The following EML2 variants were observed in gnomAD, a reference collection of about 807,000 sequenced individuals.
The protein encoded by EML2 is EMAP like 2, also known as echinoderm microtubule-associated protein-like 2.
In EML2, 59 loss-of-function variants were observed where a neutral mutation model predicts 84.7. That is an observed-to-expected ratio of 0.70 (90% confidence interval 0.56 to 0.86). The LOEUF (loss-of-function observed/expected upper bound fraction) is 0.86, where lower values mean the gene tolerates loss of function less well. Among genes scored for constraint, EML2 ranks in the 40% least tolerant of loss-of-function variants. The pLI, the probability that EML2 is intolerant of heterozygous loss-of-function variation, is 0.00. For synonymous variants in EML2, 352 were observed against 348.9 expected (o/e 1.01, Z -0.10); for missense variants, 818 against 855.6 (o/e 0.96, Z 0.55).
chr19:45,623,700 G>A (rs1359726695), intron 9 of EML2, among the ~76,000 whole-genome samples: 4 of 151,886 alleles, frequency 2.6e-5, no homozygotes, highest in Non-Finnish European at 5.9e-5. Flanking sequence ...ACAGGTGCTC[G>A]CCACCATGCC....
At chr19:45,615,351 A>T (rs893461001) in intron 16 of EML2, among the ~76,000 whole-genome samples, 5 of 149,762 alleles carry the variant, frequency 3.3e-5, no homozygotes, top group African/African-American at 1.2e-4. Flanking sequence ...CAAAAAAAAA[A>T]AAATACAAAT....
rs753050205 is a variant in EML2 at position 45,616,565 on chromosome 19, G to A, written c.1412-7C>T. On this transcript the variant is annotated splice_polypyrimidine_tract_variant and splice_region_variant and intron_variant, in intron 14 of 18. Coordinates refer to ENST00000245925, the MANE Select transcript of EML2 (RefSeq NM_012155.4). ...ACGGCCAGGTACGCCCCGTCTGGGG[G>A]AGGGGGAGGGGGGCTATGAGGAGGC... The A allele has an allele frequency of 6.2e-7, 1 of 1,603,886 alleles. No homozygotes were observed. The highest frequency in any genetic ancestry group is 1.3e-5 in the African/African-American group (1 of 74,752).
At chr19:45,617,587 A>G (rs774928571) in intron 13 of EML2, 43 bp downstream of exon 13, 1 of 1,564,822 alleles carries the variant, frequency 6.4e-7, no homozygotes, top group East Asian at 2.3e-5. Flanking sequence ...CCAGTTCCCC[A>G]GGGAGCAGAG....
chr19:45,623,059 AAG>A (rs1311805525), intron 9 of EML2, among the ~76,000 whole-genome samples: 4 of 147,650 alleles, frequency 2.7e-5, no homozygotes, highest in Non-Finnish European at 3.0e-5. Flanking sequence ...AAAAAAAAAA[AAG>A]AGAGAGAGCG....
At chr19:45,618,889 G>C (rs1239317286) in intron 12 of EML2, 171 bp downstream of exon 12, 5 of 618,918 alleles carry the variant, frequency 8.1e-6, no homozygotes, top group Admixed American at 7.1e-5. Context: ...GGAGGTTGCA[G>C]TGAGCCGAGA....
intron 4 of EML2, 23 bp from the exon 5 acceptor site, chr19:45,633,162 G>T (rs1027867613): frequency 1.9e-6 from 3 of 1,603,816 alleles, no homozygotes; most frequent in Non-Finnish European, 2.6e-6. Flanking sequence ...GGGACAGAGA[G>T]ACCAGGGCTC....
chr19:45,615,751 G>T lies in EML2; in HGVS notation c.1597+51C>A, dbSNP rs371156936. On this transcript the variant is annotated intron_variant, in intron 16 of 18. Coordinates refer to ENST00000245925, the MANE Select transcript of EML2 (RefSeq NM_012155.4). ...CCCTCCCCTCCCAGAACTCAGGGAA[G>T]TCTGCAAATGAGACGGAGGAAGTAA... 68 of 1,480,222 alleles carry T rather than the reference G, an allele frequency of 4.6e-5. No homozygotes were observed. In the African/African-American group the frequency reaches 9.1e-4, roughly 20 times the overall value. The allele number at this position is 1,480,222 out of a possible 1,614,324, so 91.7% of individuals were successfully genotyped here.
upstream of EML2, chr19:45,643,701 C>T: frequency 1.3e-6 from 2 of 1,534,992 alleles, no homozygotes; most frequent in Non-Finnish European, 8.7e-7. Context: ...CCACAGGCCG[C>T]GCAGCTGGCC....
At position 45,621,195 on chromosome 19, in the gene EML2, A is replaced by G. The variant is rs1351180290; in HGVS notation, c.1122+12T>C. The G allele has an allele frequency of 1.2e-6, 2 of 1,612,740 alleles. No individual in the cohort carries two copies. Among genetic ancestry groups the G allele is most frequent in the South Asian group, 2.2e-5 (2 of 91,054 alleles). The stretch of plus-strand genomic sequence containing the variant: ...TGGGAAGAGGGGAGGGGTGCAGAGG[A>G]GAGAGGCGCACCTGGACCAGCAGTG... On this transcript the variant is annotated intron_variant, in intron 11 of 18. Transcript: ENST00000245925.
Position 45,638,641 on chromosome 19 carries a change from G to C in EML2, c.50-7C>G, listed in dbSNP as rs1974064615. On this transcript the variant is annotated splice_region_variant and splice_polypyrimidine_tract_variant and intron_variant, in intron 2 of 18. Transcript: ENST00000245925. ...ATTTTCACGGAGCCATCCTCTGCCAGGACACCCCCAGAGGTCAGGCACTGA... is the reference window on the plus strand; with the variant it reads ...ATTTTCACGGAGCCATCCTCTGCCACGACACCCCCAGAGGTCAGGCACTGA... The C allele has an allele frequency of 1.2e-6, 2 of 1,613,334 alleles. No individual in the cohort carries two copies. The highest frequency in any genetic ancestry group is 1.7e-6 in the Non-Finnish European group (2 of 1,179,798).
In EML2 at chr19:45,614,667, G is replaced by C. The variant is rs762778606; in HGVS notation, c.1631C>G (p.Ala544Gly). 12 of 1,613,868 alleles carry C rather than the reference G, an allele frequency of 7.4e-6. No individual in the cohort carries two copies. The highest frequency in any genetic ancestry group is 1.3e-5 in the African/African-American group (1 of 74,910). The stretch of plus-strand genomic sequence containing the variant: ...CCATTCCATGTTCCTCACAGCATCC[G>C]CACTGGTGATCTGCTTACAGGTAGC... ...DPATCKQITS[A>G]DAVRNMEWAT... Residue 544 changes from alanine to glycine, a missense_variant, in exon 17 of 19, where the codon GCG becomes GGG. Ala to Gly is a moderately conservative substitution (Grantham distance 60). Coordinates refer to ENST00000245925, the MANE Select transcript of EML2 (RefSeq NM_012155.4).
chr19:45,621,595 C>T lies in EML2; in HGVS notation c.884G>A (p.Gly295Asp), dbSNP rs896789358. 5 of 1,610,870 alleles carry T rather than the reference C, an allele frequency of 3.1e-6. No homozygotes were observed. Among genetic ancestry groups the T allele is most frequent in the Non-Finnish European group, 4.2e-6 (5 of 1,179,768 alleles). ...ITQAVLGAHDGGVFGLCALRD... is the reference protein window; with the variant it reads ...ITQAVLGAHDDGVFGLCALRD... ...CAGGGCGCAGAGCCCAAACACGCCGCCGTCGTGGGCGCCCAGCACCGCCTG... is the reference window on the plus strand; with the variant it reads ...CAGGGCGCAGAGCCCAAACACGCCGTCGTCGTGGGCGCCCAGCACCGCCTG... Residue 295 changes from glycine (G) to aspartate (D), a missense_variant, in exon 10 of 19, where the codon GGC becomes GAC. Physicochemically the swap from Gly to Asp is moderately conservative, Grantham distance 94 (BLOSUM62 -1). Transcript: ENST00000245925.
chr19:45,641,480 G>T (rs1004047022), upstream of EML2: 1 of 668,268 alleles, frequency 1.5e-6, no homozygotes, highest in Non-Finnish European at 2.5e-6. Flanking sequence ...CTGTTACCGT[G>T]CCACCTCAAG....
chr19:45,617,877 A>C (rs1190112004), intron 12 of EML2, among the ~76,000 whole-genome samples, 180 bp from the exon 13 acceptor site: 1 of 152,004 alleles, frequency 6.6e-6, no homozygotes, highest in Non-Finnish European at 1.5e-5. Flanking sequence ...TTTCTGTAGC[A>C]TGTTAACCTG....
chr19:45,613,607 C>A lies in EML2; in HGVS notation c.1758G>T (p.Lys586Asn), dbSNP rs925845554. 6.2e-7 allele frequency: 1 copy of A among 1,614,134 alleles called. No individual in the cohort carries two copies. The highest frequency in any genetic ancestry group is 8.5e-7 in the Non-Finnish European group (1 of 1,180,022). ...INAVARSHDG[K>N]LLASADDFGK... ...CAAAGTCATCAGCTGAAGCCAGCAACTTCCCATCATGAGAGCGGGCCACAG... is the reference window on the plus strand; with the variant it reads ...CAAAGTCATCAGCTGAAGCCAGCAAATTCCCATCATGAGAGCGGGCCACAG... The change falls in exon 18 of 19, where the codon AAG becomes AAT. Residue 586 changes from lysine to asparagine, a missense_variant. Coordinates refer to ENST00000245925, the MANE Select transcript of EML2 (RefSeq NM_012155.4).
chr19:45,641,771 G>C, upstream of EML2: 2 of 1,535,358 alleles, frequency 1.3e-6, no homozygotes, highest in Non-Finnish European at 1.7e-6. Context: ...ACACAGGTGG[G>C]GGCAGAGCCT....
intron 6 of EML2, among the ~76,000 whole-genome samples, chr19:45,631,990 G>T: frequency 7.0e-6 from 1 of 143,660 alleles, no homozygotes; most frequent in East Asian, 2.2e-4. Context: ...CGCCTCCCAG[G>T]TTCAAGCAAC....
At chr19:45,643,728 G>T (rs1974807783), upstream of EML2, 9 of 1,528,112 alleles carry the variant, frequency 5.9e-6, no homozygotes, top group Non-Finnish European at 7.9e-6. Flanking sequence ...GCTCCGCAGT[G>T]CAGCCGCCGC....
intron 18 of EML2, among the ~76,000 whole-genome samples, chr19:45,611,756 G>A (rs1227289649): frequency 6.6e-6 from 1 of 152,108 alleles, no homozygotes; most frequent in African/African-American, 2.4e-5. Flanking sequence ...CCAAAGTGCT[G>A]GGATTACAGG....
Sources: allele counts gnomAD v4.1 joint callset (sites outside exome capture counted in the v4.1 genomes callset), GRCh38; gene constraint gnomAD v4.1.1; transcripts MANE v1.5; gene names NCBI Gene and HGNC (gene_info 2026-07-23, HGNC 2026-07-21).